The following ARMC1 variants were observed in gnomAD, a reference collection of about 807,000 sequenced individuals.
ARMC1 encodes armadillo repeat-containing protein 1.
A neutral mutation model predicts 31.4 loss-of-function variants in ARMC1; 16 were observed. The observed-to-expected ratio is 0.51, with a 90% CI of 0.34 to 0.77. The LOEUF is 0.77. Ranked by LOEUF, ARMC1 falls within the 30% of genes least tolerant of loss-of-function variation. ARMC1 has a pLI of 0.01. For missense variants in ARMC1, 259 were observed against 347.5 expected (o/e 0.75, Z 2.02); for synonymous variants, 114 against 118.9 (o/e 0.96, Z 0.27).
chr8:65,617,647 T>C (rs1411490865), intron 3 of ARMC1, among the ~76,000 whole-genome samples: 1 of 151,368 alleles, frequency 6.6e-6, no homozygotes, highest in Non-Finnish European at 1.5e-5. Context: ...ACACCTAAAA[T>C]ATACCTTTAA....
intron 3 of ARMC1, among the ~76,000 whole-genome samples, chr8:65,621,806 G>C (rs766017350): frequency 9.2e-5 from 14 of 152,202 alleles, no homozygotes; most frequent in Non-Finnish European, 1.3e-4. Context: ...ACCATGCCCA[G>C]CATGTATGAA....
intron 2 of ARMC1, among the ~76,000 whole-genome samples, chr8:65,625,148 C>A (rs1808487575): frequency 6.6e-6 from 1 of 152,044 alleles, no homozygotes; most frequent in East Asian, 1.9e-4. Context: ...AAAATCTTTT[C>A]TTCAGCCTCT....
intron 1 of ARMC1, among the ~76,000 whole-genome samples, chr8:65,632,471 G>T (rs779899690): frequency 1.3e-5 from 2 of 152,106 alleles, no homozygotes; most frequent in Non-Finnish European, 2.9e-5. Flanking sequence ...ATATTAGCCA[G>T]GCGTGGTGGG....
At chr8:65,622,581 G>A (rs1469014308) in intron 2 of ARMC1, among the ~76,000 whole-genome samples, 2 of 152,108 alleles carry the variant, frequency 1.3e-5, no homozygotes, top group African/African-American at 4.8e-5. Flanking sequence ...TTAGTCACAA[G>A]GTCAAAATTA....
chr8:65,629,873 G>A (rs1221831627), intron 1 of ARMC1, among the ~76,000 whole-genome samples: 3 of 151,660 alleles, frequency 2.0e-5, no homozygotes, highest in Non-Finnish European at 4.4e-5. Context: ...TGCCAGGGGT[G>A]GTGACTTATG....
intron 1 of ARMC1, among the ~76,000 whole-genome samples, chr8:65,630,693 C>A (rs1168068853): frequency 6.6e-6 from 1 of 152,128 alleles, no homozygotes; most frequent in Non-Finnish European, 1.5e-5. Flanking sequence ...GTGGTAGGTG[C>A]CTGTAATCTC....
Position 65,603,902 on chromosome 8 carries a change from G to A in ARMC1, c.*492C>T, listed in dbSNP as rs977465663. 2.0e-5 allele frequency: 3 copies of A among 152,784 alleles called. No homozygotes were observed. The highest frequency in any genetic ancestry group is 7.2e-5 in the African/African-American group (3 of 41,450). The allele number at this position is 152,784 out of a possible 1,614,324, so 9.5% of individuals were successfully genotyped here. A position where few individuals can be genotyped will look rare whatever the true frequency, so the allele number is the denominator to read the frequency against. The stretch of plus-strand genomic sequence containing the variant: ...TGGCAAAATAAAAAGGCACAAAAGA[G>A]GGTAACAAGAAATGTTTTCAGCTTT... On this transcript the variant is annotated 3_prime_UTR_variant, in exon 7 of 7. Transcript: ENST00000276569.
chr8:65,623,221 T>C (rs1244112965), intron 2 of ARMC1, among the ~76,000 whole-genome samples: 1 of 144,354 alleles, frequency 6.9e-6, no homozygotes, highest in Non-Finnish European at 1.5e-5. Flanking sequence ...GGCAGGAGAA[T>C]TGCTTGAACC....
At chr8:65,620,731 C>A (rs775912399) in intron 3 of ARMC1, among the ~76,000 whole-genome samples, 1 of 151,384 alleles carries the variant, frequency 6.6e-6, no homozygotes, top group Non-Finnish European at 1.5e-5. Context: ...CTGCTTCTAT[C>A]CCTCTGACTA....
At position 65,626,394 on chromosome 8, in the gene ARMC1, AG is replaced by A. The variant is rs1375407993; in HGVS notation, c.183+821del. ...CGAGGTAGAAGAATCACTTGAGGCC[AG>A]GAGTTTGAGACCAGCCTAGTTAACA... On this transcript the variant is annotated intron_variant, in intron 2 of 6. Transcript: ENST00000276569. Among the ~76,000 whole-genome samples the A allele has an allele frequency of 6.7e-5, 10 of 149,900 alleles. No homozygotes were observed. In the East Asian group the frequency reaches 1.8e-3, roughly 26 times the overall value.
At chr8:65,607,405 G>GA (rs1220149502) in intron 4 of ARMC1, among the ~76,000 whole-genome samples, 1 of 152,210 alleles carries the variant, frequency 6.6e-6, no homozygotes, top group Non-Finnish European at 1.5e-5. Context: ...GTGAAAAGTT[G>GA]AAAAACAACT....
At chr8:65,608,369 A>C (rs991666472) in intron 4 of ARMC1, among the ~76,000 whole-genome samples, 3 of 152,140 alleles carry the variant, frequency 2.0e-5, no homozygotes, top group African/African-American at 7.2e-5. Context: ...TCTACTAAAA[A>C]TACAAAAAAA....
At chr8:65,608,989 T>A (rs188181283) in intron 4 of ARMC1, among the ~76,000 whole-genome samples, 20 of 152,234 alleles carry the variant, frequency 1.3e-4, no homozygotes, top group Admixed American at 7.2e-4. Context: ...GAAATAAACT[T>A]ATCACTAGTA....
Position 65,622,247 on chromosome 8 carries a change from T to TAG in ARMC1, c.275+15_275+16insCT. On this transcript the variant is annotated intron_variant, in intron 3 of 6. Coordinates refer to ENST00000276569, the MANE Select transcript of ARMC1 (RefSeq NM_018120.6). ...GTAAGTATATAAATAAATGAGACAC[T>TAG]GTCTATTGTACTTACTTCTGTATAA... The TAG allele has an allele frequency of 6.3e-7, 1 of 1,576,974 alleles. No individual in the cohort carries two copies. Among genetic ancestry groups the TAG allele is most frequent in the Non-Finnish European group, 8.7e-7 (1 of 1,148,040 alleles).
chr8:65,626,258 T>C (rs1808509397), intron 2 of ARMC1, among the ~76,000 whole-genome samples: 1 of 151,896 alleles, frequency 6.6e-6, no homozygotes. Flanking sequence ...AAAAAGTAGA[T>C]TAGTAGTTGC....
In ARMC1 at chr8:65,616,575, C is replaced by T. The variant is rs552913226; in HGVS notation, c.276-3142G>A. Among the ~76,000 whole-genome samples, 853 of 152,172 alleles carry T rather than the reference C, an allele frequency of 5.6e-3. 10 individuals carry two copies. Among genetic ancestry groups the T allele is most frequent in the African/African-American group, 0.019 (809 of 41,526 alleles). ...GCCACCCCGTCTGGGAAGTGAGGAG[C>T]GTCTCTGCCTGGCCGCCCATCGTCT... On this transcript the variant is annotated intron_variant, in intron 3 of 6. Coordinates refer to ENST00000276569, the MANE Select transcript of ARMC1 (RefSeq NM_018120.6).
intron 2 of ARMC1, among the ~76,000 whole-genome samples, chr8:65,625,052 C>T (rs1040378052): frequency 5.3e-5 from 8 of 152,114 alleles, no homozygotes; most frequent in African/African-American, 1.4e-4. Flanking sequence ...ACCCAGGAGG[C>T]GGAGGTTGCA....
At chr8:65,621,236 A>T (rs1360237891) in intron 3 of ARMC1, among the ~76,000 whole-genome samples, 1 of 152,202 alleles carries the variant, frequency 6.6e-6, no homozygotes, top group Non-Finnish European at 1.5e-5. Context: ...TTAGGGCTTT[A>T]GGGCTTAATT....
At chr8:65,617,144 G>A (rs1288602134) in intron 3 of ARMC1, among the ~76,000 whole-genome samples, 4 of 152,234 alleles carry the variant, frequency 2.6e-5, no homozygotes, top group African/African-American at 7.2e-5. Flanking sequence ...CATTGAGAAC[G>A]GGCCATGATG....
Sources: allele counts gnomAD v4.1 joint callset (sites outside exome capture counted in the v4.1 genomes callset), GRCh38; gene constraint gnomAD v4.1.1; transcripts MANE v1.5; gene names NCBI Gene and HGNC (gene_info 2026-07-23, HGNC 2026-07-21).